Variants in TENM1 observed in about 807,000 individuals in gnomAD.
The protein encoded by TENM1 is teneurin transmembrane protein 1, also known as teneurin-1.
Under a neutral mutation model 174.8 loss-of-function variants are expected in TENM1, and 35 were observed. That is an observed-to-expected ratio of 0.20 (90% confidence interval 0.15 to 0.27). The LOEUF (loss-of-function observed/expected upper bound fraction) is 0.27. TENM1 is among the 10% of genes least tolerant of loss of function. The pLI, the probability that TENM1 is intolerant of heterozygous loss-of-function variation, is 1.00. For missense variants in TENM1, 1,633 were observed against 2,130.1 expected (o/e 0.77, Z 4.59); for synonymous variants, 781 against 798.7 (o/e 0.98, Z 0.37).
the TENM1 span, among the ~76,000 whole-genome samples, chrX:124,993,882 G>A: frequency 9.0e-6 from 1 of 110,626 alleles, no homozygotes; most frequent in Non-Finnish European, 1.9e-5. Context: ...TTACTGGGCT[G>A]TCCCACTAGT....
At chrX:125,138,591 C>G in the TENM1 span, among the ~76,000 whole-genome samples, 1 of 111,134 alleles carries the variant, frequency 9.0e-6, no homozygotes, top group Non-Finnish European at 1.9e-5. Flanking sequence ...CTGTATACTT[C>G]CATTTATATA....
the TENM1 span, among the ~76,000 whole-genome samples, chrX:125,167,827 T>G: frequency 7.0e-3 from 781 of 111,900 alleles, 5 homozygotes; most frequent in African/African-American, 0.024. Context: ...GCTATCTACA[T>G]GCACTAATTG....
intron 23 of TENM1, among the ~76,000 whole-genome samples, chrX:124,449,525 T>G (rs1338387728): frequency 8.9e-6 from 1 of 112,407 alleles, no homozygotes; most frequent in African/African-American, 3.2e-5. Context: ...GTTGACTGAT[T>G]GCAATACTAA....
At chrX:124,915,228 A>G (rs1195166969) in intron 1 of TENM1, among the ~76,000 whole-genome samples, 1 of 112,424 alleles carries the variant, frequency 8.9e-6, no homozygotes, top group Non-Finnish European at 1.9e-5. Flanking sequence ...TACTCCTACT[A>G]AAATGTAAAT....
chrX:124,536,493 C>T (rs1337778641), intron 15 of TENM1, among the ~76,000 whole-genome samples: 2 of 111,084 alleles, frequency 1.8e-5, no homozygotes, highest in African/African-American at 6.5e-5. Context: ...GAATTATTTT[C>T]CTCATGGCTA....
At chrX:124,721,537 A>T (rs2053308653) in intron 4 of TENM1, among the ~76,000 whole-genome samples, 1 of 111,966 alleles carries the variant, frequency 8.9e-6, no homozygotes, top group Admixed American at 9.4e-5. Flanking sequence ...AAATAGAATA[A>T]AAACTAGATT....
intron 3 of TENM1, among the ~76,000 whole-genome samples, chrX:124,755,340 G>C (rs1459120064): frequency 1.8e-5 from 2 of 110,646 alleles, no homozygotes; most frequent in African/African-American, 6.6e-5. Flanking sequence ...CCATTTGCTT[G>C]GTAGATCTTC....
chrX:125,077,771 A>G, the TENM1 span, among the ~76,000 whole-genome samples: 1 of 111,523 alleles, frequency 9.0e-6, no homozygotes, highest in African/African-American at 3.3e-5. Context: ...TAATCTGCCA[A>G]TTCTAAGACT....
At chrX:124,603,568 A>T (rs2050080228) in intron 11 of TENM1, among the ~76,000 whole-genome samples, 1 of 111,836 alleles carries the variant, frequency 8.9e-6, no homozygotes, top group Non-Finnish European at 1.9e-5. Context: ...CAGGGATTTG[A>T]ACCCACACAG....
chrX:124,916,776 T>TTCTCTC (rs376505358), intron 1 of TENM1, among the ~76,000 whole-genome samples: 72 of 101,974 alleles, frequency 7.1e-4, no homozygotes, highest in Middle Eastern at 5.2e-3. Context: ...TTCACCCCCT[T>TTCTCTC]TCTCTCTCTC....
At chrX:124,518,384 T>C (rs1254184183) in intron 18 of TENM1, among the ~76,000 whole-genome samples, 1 of 84,062 alleles carries the variant, frequency 1.2e-5, no homozygotes, top group Non-Finnish European at 2.2e-5. Context: ...AAAGAGATTA[T>C]GCGTGTGTGT....
chrX:124,664,682 GTGT>G (rs1569375202), intron 6 of TENM1, among the ~76,000 whole-genome samples: 17 of 31,426 alleles, frequency 5.4e-4, no homozygotes, highest in Admixed American at 2.4e-3. Context: ...CTTGTGGGGT[GTGT>G]GTGTGTGTGT....
At chrX:125,017,309 T>G in the TENM1 span, among the ~76,000 whole-genome samples, 1 of 112,045 alleles carries the variant, frequency 8.9e-6, no homozygotes, top group African/African-American at 3.2e-5. Flanking sequence ...TTTTGTAATC[T>G]TTCCATCTGA....
At chrX:124,628,889 G>A (rs766318899) in intron 11 of TENM1, among the ~76,000 whole-genome samples, 2 of 111,832 alleles carry the variant, frequency 1.8e-5, no homozygotes, top group East Asian at 5.6e-4. Flanking sequence ...AAAGAAAGTA[G>A]AGAAGTCCCT....
the TENM1 span, among the ~76,000 whole-genome samples, chrX:125,086,808 CAG>C: frequency 9.0e-6 from 1 of 111,010 alleles, no homozygotes. Flanking sequence ...CCATCAAACT[CAG>C]AGAATTTAAG....
At chrX:125,186,056 A>T in the TENM1 span, among the ~76,000 whole-genome samples, 17 of 111,136 alleles carry the variant, frequency 1.5e-4, no homozygotes, top group African/African-American at 5.6e-4. Flanking sequence ...TTCACTCAAC[A>T]TACCAGTCAT....
chrX:124,758,589 A>T (rs1330864017), intron 3 of TENM1, among the ~76,000 whole-genome samples: 1 of 112,161 alleles, frequency 8.9e-6, no homozygotes, highest in African/African-American at 3.2e-5. Flanking sequence ...TTGCATTCTC[A>T]CGTCCATTGT....
chrX:124,486,462 C>T (rs754405329), intron 21 of TENM1, among the ~76,000 whole-genome samples: 47 of 112,051 alleles, frequency 4.2e-4, no homozygotes, highest in Non-Finnish European at 7.3e-4. Flanking sequence ...ATCGTCTGTA[C>T]TGGCATTTAG....
intron 3 of TENM1, among the ~76,000 whole-genome samples, chrX:124,864,058 C>T (rs1249717308): frequency 8.9e-6 from 1 of 112,335 alleles, no homozygotes; most frequent in East Asian, 2.8e-4. Flanking sequence ...GCTTAGAATG[C>T]CCCCTAAAGC....
Sources: gnomAD v4.1 joint callset for allele counts (sites outside exome capture counted in the v4.1 genomes callset) on GRCh38, gnomAD v4.1.1 for gene constraint, MANE v1.5 for transcripts, NCBI Gene and HGNC (gene_info 2026-07-23, HGNC 2026-07-21) for gene names.